Variants in KCTD14 observed in about 807,000 individuals in gnomAD.
KCTD14 encodes potassium channel tetramerization domain containing 14.
KCTD14 carries 7 observed loss-of-function variants against 5.9 expected under a neutral mutation model. The observed-to-expected ratio is 1.19, with a 90% CI of 0.68 to 2.23. The LOEUF (loss-of-function observed/expected upper bound fraction) is 2.23, where lower values mean the gene tolerates loss of function less well. KCTD14 is among the 30% of genes most tolerant of loss of function. The probability of loss-of-function intolerance (pLI) is 0.00; values close to 1 mark genes in which losing one functional copy is unlikely to be tolerated. For missense variants in KCTD14, 342 were observed against 332.2 expected (o/e 1.03, Z -0.23); for synonymous variants, 140 against 133.1 (o/e 1.05, Z -0.36).
upstream of KCTD14, among the ~76,000 whole-genome samples, chr11:78,024,380 CAA>C (rs56296835): frequency 8.8e-3 from 1,083 of 123,166 alleles, 13 homozygotes; most frequent in Middle Eastern, 0.021. Flanking sequence ...GATTCCCTCT[CAA>C]AAAAAAAAAA....
chr11:78,044,262 T>G (rs147812035), intron 1 of KCTD14, among the ~76,000 whole-genome samples: 1 of 152,282 alleles, frequency 6.6e-6, no homozygotes, highest in East Asian at 1.9e-4. Flanking sequence ...GTCTGGAATC[T>G]GCCTGGCACC....
chr11:78,037,075 G>T (rs1857826317), intron 2 of KCTD14, among the ~76,000 whole-genome samples: 1 of 152,236 alleles, frequency 6.6e-6, no homozygotes, highest in South Asian at 2.1e-4. Flanking sequence ...AGCCACAGCT[G>T]TGCTCATTCC....
Position 78,023,185 on chromosome 11 carries a change from TG to T in KCTD14, c.64del (p.Gln22SerfsTer16). ...CGTTGGCCGCCTGGGCCGGGGGGAC[TG>T]GGGCAGAGGGGTCTGGCTCGTCATC... ...GRMTSQTPLPQSPRPRRPTMS... is the reference protein window; with the variant it reads ...GRMTSQTPLPXSPRPRRPTMS... On this transcript the variant is annotated frameshift_variant, in exon 1 of 2. Coordinates refer to ENST00000353172, the MANE Select transcript of KCTD14 (RefSeq NM_023930.4). LOFTEE classifies it low-confidence loss of function (END_TRUNC). 6.2e-7 allele frequency: 1 copy of T among 1,600,838 alleles called. No homozygotes were observed. The highest frequency in any genetic ancestry group is 8.5e-7 in the Non-Finnish European group (1 of 1,175,878).
chr11:78,029,787 C>A (rs77433735), intron 2 of KCTD14, among the ~76,000 whole-genome samples: 2 of 137,444 alleles, frequency 1.5e-5, no homozygotes, highest in Non-Finnish European at 3.2e-5. Context: ...TTTTTTTTTT[C>A]TTTTTTTTTT....
chr11:78,027,233 A>G (rs1857492875), upstream of KCTD14, among the ~76,000 whole-genome samples: 1 of 152,218 alleles, frequency 6.6e-6, no homozygotes, highest in East Asian at 1.9e-4. Flanking sequence ...TCATAAGCAG[A>G]TTCAACGATT....
Position 78,018,144 on chromosome 11 carries a change from G to A in KCTD14, c.91-874C>T, listed in dbSNP as rs536109559. Among the ~76,000 whole-genome samples the A allele has an allele frequency of 1.3e-4, 20 of 152,230 alleles. No individual in the cohort carries two copies. In the South Asian group the frequency reaches 4.2e-3, roughly 32 times the overall value. On this transcript the variant is annotated intron_variant, in intron 1 of 1. Transcript: ENST00000353172. ...CAACAATAACAGAAGAACGTTATGG[G>A]AAGAGGCTGCCATGGAAGGAAGTCT...
upstream of KCTD14, among the ~76,000 whole-genome samples, chr11:78,026,562 A>G (rs1857471224): frequency 6.6e-6 from 1 of 152,174 alleles, no homozygotes; most frequent in Non-Finnish European, 1.5e-5. Flanking sequence ...TGACCCCAGG[A>G]GTTCAAGTCC....
chr11:78,035,792 C>A (rs938227505), intron 2 of KCTD14, among the ~76,000 whole-genome samples: 5 of 133,602 alleles, frequency 3.7e-5, no homozygotes, highest in Non-Finnish European at 7.6e-5. Context: ...TTGCAGTGAG[C>A]TGAGATTGTG....
At chr11:78,024,663 G>GA (rs1307417302), upstream of KCTD14, among the ~76,000 whole-genome samples, 2 of 151,834 alleles carry the variant, frequency 1.3e-5, no homozygotes, top group Non-Finnish European at 2.9e-5. Context: ...TAACGGAATA[G>GA]GGTTGGACAC....
chr11:78,045,985 T>C lies in KCTD14; in HGVS notation c.-96+76A>G, dbSNP rs555276580. 21 of 467,812 alleles carry C rather than the reference T, an allele frequency of 4.5e-5. No individual in the cohort carries two copies. The South Asian group carries it at 1.4e-3, about 30-fold the overall frequency. The allele number at this position is 467,812 out of a possible 1,614,324, so 29.0% of individuals were successfully genotyped here. On this transcript the variant is annotated intron_variant, in intron 1 of 2. Coordinates refer to the KCTD14 transcript ENST00000533144. ...CGGTCCTCTCCCCAGTCAGCAGGTG[T>C]CCCAGTTAGAGGCAGCCTCAGGAGG...
chr11:78,016,414 T>C lies in KCTD14; in HGVS notation c.*179A>G, dbSNP rs932674860. The C allele has an allele frequency of 1.6e-6, 1 of 606,764 alleles. No homozygotes were observed. The highest frequency in any genetic ancestry group is 3.0e-5 in the Admixed American group (1 of 33,238). The allele number at this position is 606,764 out of a possible 1,614,324, so 37.6% of individuals were successfully genotyped here. On this transcript the variant is annotated 3_prime_UTR_variant, in exon 2 of 2. Coordinates refer to ENST00000353172, the MANE Select transcript of KCTD14 (RefSeq NM_023930.4). ...GCTGCAAGTTGCTAGGCAAATATAG[T>C]GGCATCAGTTGCAATGGAGTGGAAA...
At chr11:78,039,068 C>CAAAAAAAAAA (rs34453594) in intron 1 of KCTD14, among the ~76,000 whole-genome samples, 2 of 114,764 alleles carry the variant, frequency 1.7e-5, no homozygotes, top group African/African-American at 3.6e-5. Context: ...CTTTAGATTA[C>CAAAAAAAAAA]AAAAAAAAAA....
upstream of KCTD14, among the ~76,000 whole-genome samples, chr11:78,024,517 G>A (rs190417371): frequency 1.3e-5 from 2 of 148,984 alleles, no homozygotes; most frequent in East Asian, 2.0e-4. Context: ...GGTTTCCTTT[G>A]TTGAAAAGTC....
intron 1 of KCTD14, among the ~76,000 whole-genome samples, chr11:78,045,802 C>T (rs1046337527): frequency 2.0e-5 from 3 of 152,100 alleles, no homozygotes; most frequent in African/African-American, 7.2e-5. Flanking sequence ...GTTTTCATAA[C>T]GCCCGTCAAA....
intron 2 of KCTD14, among the ~76,000 whole-genome samples, chr11:78,030,601 G>A: frequency 6.6e-6 from 1 of 152,312 alleles, no homozygotes; most frequent in East Asian, 1.9e-4. Context: ...AGCAAGCACT[G>A]CTTCCTTCTG....
intron 2 of KCTD14, among the ~76,000 whole-genome samples, chr11:78,033,173 C>A (rs1211447590): frequency 6.6e-6 from 1 of 152,160 alleles, no homozygotes; most frequent in Non-Finnish European, 1.5e-5. Context: ...CATTTCCATT[C>A]TTAGGATTAG....
At chr11:78,022,149 C>T (rs1222151207) in intron 1 of KCTD14, among the ~76,000 whole-genome samples, 1 of 152,164 alleles carries the variant, frequency 6.6e-6, no homozygotes, top group African/African-American at 2.4e-5. Context: ...TGTTTCATGC[C>T]TGTAATCCCA....
chr11:78,025,155 T>TATATAA (rs1417247331), upstream of KCTD14, among the ~76,000 whole-genome samples: 15 of 132,412 alleles, frequency 1.1e-4, no homozygotes, highest in East Asian at 9.0e-4. Flanking sequence ...TATATATATA[T>TATATAA]AAAGGGGAGT....
intron 2 of KCTD14, among the ~76,000 whole-genome samples, chr11:78,034,726 A>G (rs1857738854): frequency 6.6e-6 from 1 of 152,026 alleles, no homozygotes; most frequent in South Asian, 2.1e-4. Flanking sequence ...AGTCATCCCC[A>G]AACAGACTAT....
Sources: gnomAD v4.1 joint callset for allele counts (sites outside exome capture counted in the v4.1 genomes callset) on GRCh38, gnomAD v4.1.1 for gene constraint, MANE v1.5 for transcripts, NCBI Gene and HGNC (gene_info 2026-07-23, HGNC 2026-07-21) for gene names.